Variants in CEP128 observed in about 807,000 individuals in gnomAD.
The protein encoded by CEP128 is centrosomal protein 128, also known as centrosomal protein 128kDa.
CEP128 carries 132 observed loss-of-function variants against 156.7 expected under a neutral mutation model. The observed-to-expected ratio is 0.84, with a 90% CI of 0.73 to 0.97. The LOEUF is 0.97. Ranked by LOEUF, CEP128 falls within the 50% of genes least tolerant of loss-of-function variation. The pLI, the probability that CEP128 is intolerant of heterozygous loss-of-function variation, is 0.00. For synonymous variants in CEP128, 469 were observed against 448.9 expected, an observed-to-expected ratio of 1.04 and a Z score of -0.57; for missense variants, 1,252 against 1,281.9, an observed-to-expected ratio of 0.98 and a Z score of 0.36.
Position 80,559,310 on chromosome 14 carries a change from G to A in CEP128, c.2857-8C>T. ...TAATGCAATTACACGGTCCTGCAAA[G>A]AAAGCATAATATATAATTATAAAAC... On this transcript the variant is annotated splice_region_variant and splice_polypyrimidine_tract_variant and intron_variant, in intron 20 of 24. Coordinates refer to ENST00000555265, the MANE Select transcript of CEP128 (RefSeq NM_152446.5). 23 of 1,595,032 alleles carry A rather than the reference G, an allele frequency of 1.4e-5. No homozygotes were observed. Among genetic ancestry groups the A allele is most frequent in the Non-Finnish European group, 2.0e-5 (23 of 1,172,676 alleles).
At chr14:80,640,872 T>G (rs779117419) in intron 19 of CEP128, among the ~76,000 whole-genome samples, 4 of 152,212 alleles carry the variant, frequency 2.6e-5, no homozygotes, top group Non-Finnish European at 5.9e-5. Context: ...TCTAAACTTG[T>G]TATTGTCTTC....
intron 2 of CEP128, among the ~76,000 whole-genome samples, chr14:80,924,938 T>C (rs1008826027): frequency 6.6e-6 from 1 of 151,992 alleles, no homozygotes; most frequent in Non-Finnish European, 1.5e-5. Context: ...AGATGAAGTA[T>C]AGCAGGGATG....
At chr14:80,494,282 A>G (rs907114763), downstream of CEP128, among the ~76,000 whole-genome samples, 3 of 152,120 alleles carry the variant, frequency 2.0e-5, no homozygotes, top group African/African-American at 7.2e-5. Context: ...CAGCTTCCTC[A>G]TTTGAAGGCC....
intron 18 of CEP128, among the ~76,000 whole-genome samples, chr14:80,746,748 C>A (rs928251853): frequency 6.6e-6 from 1 of 152,096 alleles, no homozygotes; most frequent in Non-Finnish European, 1.5e-5. Flanking sequence ...AATTGAACTT[C>A]TTTGAAATTA....
At chr14:80,619,367 G>GACACACACACACACACACACACACACAC (rs34190837) in intron 19 of CEP128, among the ~76,000 whole-genome samples, 12 of 139,460 alleles carry the variant, frequency 8.6e-5, no homozygotes, top group Non-Finnish European at 1.4e-4. Context: ...AAGACACACA[G>GACACACACACACACACACACACACACAC]ACACACACAC....
chr14:80,526,815 A>G, intron 23 of CEP128, 54 bp downstream of exon 23: 1 of 946,700 alleles, frequency 1.1e-6, no homozygotes, highest in Non-Finnish European at 1.7e-6. Context: ...AAGAGGTTGT[A>G]GCCTTAAACA....
At chr14:80,947,506 T>G (rs1886373408) in intron 2 of CEP128, among the ~76,000 whole-genome samples, 1 of 152,228 alleles carries the variant, frequency 6.6e-6, no homozygotes, top group East Asian at 1.9e-4. Flanking sequence ...TTTGCAAAAT[T>G]TATTAAGATG....
rs1004204154 is a variant in CEP128, at chr14:80,733,482, G to T, written c.2806+9593C>A. ...GTGGTCTAAACAGAAAGAGAGGAAT[G>T]AATATATGACAAACAGCTAAGAAAA... On this transcript the variant is annotated intron_variant, in intron 19 of 24. Coordinates refer to ENST00000555265, the MANE Select transcript of CEP128 (RefSeq NM_152446.5). Among the ~76,000 whole-genome samples the T allele has an allele frequency of 7.9e-5, 12 of 152,000 alleles. 2 individuals carry two copies. Among genetic ancestry groups the T allele is most frequent in the Admixed American group, 7.2e-4 (11 of 15,242 alleles).
intron 8 of CEP128, among the ~76,000 whole-genome samples, chr14:80,886,340 A>C (rs1046550191): frequency 3.9e-5 from 6 of 152,194 alleles, no homozygotes; most frequent in Non-Finnish European, 5.9e-5. Context: ...AGATTCTCCA[A>C]GGTTGAAATG....
chr14:80,644,253 T>A (rs756504368), intron 19 of CEP128, among the ~76,000 whole-genome samples: 42 of 152,302 alleles, frequency 2.8e-4, no homozygotes, highest in Non-Finnish European at 4.6e-4. Flanking sequence ...TCTAAACCAC[T>A]CCGTTTGTGG....
intron 2 of CEP128, among the ~76,000 whole-genome samples, chr14:80,929,584 A>T (rs1013350074): frequency 6.6e-6 from 1 of 152,206 alleles, no homozygotes; most frequent in Non-Finnish European, 1.5e-5. Context: ...CTTGGTTAGA[A>T]CTGGAGGCTA....
At chr14:80,880,719 C>T (rs1444310157) in intron 8 of CEP128, among the ~76,000 whole-genome samples, 2 of 149,834 alleles carry the variant, frequency 1.3e-5, no homozygotes, top group South Asian at 2.1e-4. Context: ...AAAAATTAGC[C>T]GGGCATGGTG....
At chr14:80,580,459 A>C in intron 19 of CEP128, 36 bp from the exon 20 acceptor site, 2 of 1,371,822 alleles carry the variant, frequency 1.5e-6, no homozygotes, top group Non-Finnish European at 2.1e-6. Flanking sequence ...TCAAAATACA[A>C]TGTAAAAACG....
chr14:80,881,810 AG>A (rs1888565178), intron 8 of CEP128, among the ~76,000 whole-genome samples: 1 of 152,204 alleles, frequency 6.6e-6, no homozygotes, highest in Non-Finnish European at 1.5e-5. Context: ...AACAGAATGC[AG>A]GACAAAACTA....
intron 13 of CEP128, among the ~76,000 whole-genome samples, chr14:80,828,610 A>G (rs1041243878): frequency 6.6e-6 from 1 of 152,208 alleles, no homozygotes; most frequent in African/African-American, 2.4e-5. Context: ...AAAGAAAGAA[A>G]AGACATTCAA....
chr14:80,788,629 C>A (rs574480397), intron 14 of CEP128, among the ~76,000 whole-genome samples: 103 of 152,168 alleles, frequency 6.8e-4, no homozygotes, highest in African/African-American at 2.4e-3. Flanking sequence ...AGCATCAATG[C>A]CCCTAAATAT....
At chr14:80,673,713 C>A (rs886215542) in intron 19 of CEP128, among the ~76,000 whole-genome samples, 4 of 145,280 alleles carry the variant, frequency 2.8e-5, no homozygotes, top group African/African-American at 1.0e-4. Flanking sequence ...AACGTAAAAC[C>A]GCTTACAACC....
At chr14:80,955,606 G>T (rs950087469) in intron 2 of CEP128, 105 of 1,581,712 alleles carry the variant, frequency 6.6e-5, no homozygotes, top group Non-Finnish European at 8.8e-5. Flanking sequence ...CCTTTGGCCT[G>T]GGGTAACCCG....
Position 80,676,393 on chromosome 14 carries a change from G to C in CEP128, c.2806+66682C>G, listed in dbSNP as rs1896061581. 2.0e-5 allele frequency among the ~76,000 whole-genome samples: 3 copies of C among 151,626 alleles called. No homozygotes were observed. In the South Asian group the frequency reaches 6.2e-4, roughly 32 times the overall value. ...ACATGTTTTATTGATTTTATATATT[G>C]AGTTTTACATTCAGAAACTTGCTGA... On this transcript the variant is annotated intron_variant, in intron 19 of 24. Transcript: ENST00000555265.
Sources: allele counts gnomAD v4.1 joint callset (sites outside exome capture counted in the v4.1 genomes callset), GRCh38; gene constraint gnomAD v4.1.1; transcripts MANE v1.5; gene names NCBI Gene and HGNC (gene_info 2026-07-23, HGNC 2026-07-21).